The following FILIP1L variants were observed in gnomAD, a reference collection of about 807,000 sequenced individuals.
FILIP1L encodes filamin A interacting protein 1 like.
In FILIP1L, 55 loss-of-function variants were observed where a neutral mutation model predicts 96.6. The observed-to-expected ratio is 0.57, with a 90% confidence interval of 0.46 to 0.71. FILIP1L has a LOEUF of 0.71. Ranked by LOEUF, FILIP1L falls within the 30% of genes least tolerant of loss-of-function variation. The pLI, the probability that FILIP1L is intolerant of heterozygous loss-of-function variation, is 0.00. For synonymous variants in FILIP1L, 467 were observed against 473.9 expected, an observed-to-expected ratio of 0.99 and a Z score of 0.19; for missense variants, 1,304 against 1,321.2, an observed-to-expected ratio of 0.99 and a Z score of 0.20.
chr3:99,946,069 G>T (rs938616117), intron 1 of FILIP1L, among the ~76,000 whole-genome samples: 2 of 152,164 alleles, frequency 1.3e-5, no homozygotes, highest in African/African-American at 4.8e-5. Flanking sequence ...TATGGTCTTG[G>T]TTCATCAGAT....
At chr3:100,020,275 A>G (rs1295118641) in intron 1 of FILIP1L, among the ~76,000 whole-genome samples, 1 of 152,206 alleles carries the variant, frequency 6.6e-6, no homozygotes, top group African/African-American at 2.4e-5. Context: ...AATCATTTGC[A>G]GATTTTCTAA....
Position 99,849,887 on chromosome 3 carries a change from C to A in FILIP1L, c.1789G>T (p.Ala597Ser). 1 of 1,611,872 alleles carries A rather than the reference C, an allele frequency of 6.2e-7. No individual in the cohort carries two copies. Among genetic ancestry groups the A allele is most frequent in the South Asian group, 1.1e-5 (1 of 90,306 alleles). ...MLKNRLQSLE[A>S]IEKDFLKNKL... ...TTTTTTAGGAAATCTTTCTCAATTG[C>A]TTCCAATGATTGAAGCCTATTTTTC... Residue 597 changes from alanine (A) to serine (S), a missense_variant, in exon 5 of 6, where the codon GCA becomes TCA. Physicochemically the swap from Ala to Ser is moderately conservative, Grantham distance 99. Transcript: ENST00000477258.
At chr3:100,043,429 A>T (rs564671962) in intron 1 of FILIP1L, among the ~76,000 whole-genome samples, 2 of 152,140 alleles carry the variant, frequency 1.3e-5, no homozygotes, top group Non-Finnish European at 2.9e-5. Flanking sequence ...GCAGTCTCTA[A>T]GGTCTCTTTT....
chr3:99,935,558 A>G (rs905739710), intron 1 of FILIP1L, among the ~76,000 whole-genome samples: 1 of 152,202 alleles, frequency 6.6e-6, no homozygotes, highest in African/African-American at 2.4e-5. Context: ...AGGTTGTCCC[A>G]TGAGATCACT....
intron 4 of FILIP1L, among the ~76,000 whole-genome samples, chr3:99,891,602 A>T (rs1186362494): frequency 1.3e-5 from 2 of 152,068 alleles, no homozygotes; most frequent in Non-Finnish European, 2.9e-5. Flanking sequence ...TGTTGGTGAG[A>T]CACTAGGTTA....
At chr3:100,091,659 A>G (rs1009367984) in intron 1 of FILIP1L, among the ~76,000 whole-genome samples, 3 of 152,226 alleles carry the variant, frequency 2.0e-5, no homozygotes, top group African/African-American at 7.2e-5. Context: ...ATCTGCAGCC[A>G]CTTGAGTATC....
At chr3:99,838,978 T>G (rs913627430) in intron 5 of FILIP1L, among the ~76,000 whole-genome samples, 6 of 152,130 alleles carry the variant, frequency 3.9e-5, no homozygotes, top group African/African-American at 1.4e-4. Context: ...CCCAACCATC[T>G]CAACTTCATC....
At chr3:99,830,777 C>T (rs1576492415) in intron 5 of FILIP1L, among the ~76,000 whole-genome samples, 172 bp from the exon 6 acceptor site, 1 of 152,096 alleles carries the variant, frequency 6.6e-6, no homozygotes, top group East Asian at 1.9e-4. Context: ...GTAAAGTAAT[C>T]TGGTGTGTGT....
chr3:99,855,227 T>C (rs1431831895), intron 4 of FILIP1L, among the ~76,000 whole-genome samples: 1 of 152,230 alleles, frequency 6.6e-6, no homozygotes, highest in Admixed American at 6.5e-5. Context: ...AGAATATGGC[T>C]AAATTAACTA....
At chr3:99,943,516 C>T (rs1392878632) in intron 1 of FILIP1L, among the ~76,000 whole-genome samples, 2 of 152,074 alleles carry the variant, frequency 1.3e-5, no homozygotes, top group Non-Finnish European at 2.9e-5. Context: ...CCAGCCTGAC[C>T]AATATGGTGA....
chr3:100,076,608 T>C (rs1356893143), intron 1 of FILIP1L, among the ~76,000 whole-genome samples: 1 of 152,226 alleles, frequency 6.6e-6, no homozygotes, highest in Non-Finnish European at 1.5e-5. Flanking sequence ...TTTTCCTGGA[T>C]ACTTGTACTT....
At chr3:99,905,144 T>G (rs1706571965) in intron 4 of FILIP1L, among the ~76,000 whole-genome samples, 1 of 152,230 alleles carries the variant, frequency 6.6e-6, no homozygotes. Context: ...CCTAGATAGC[T>G]TATCCCCCTT....
intron 1 of FILIP1L, among the ~76,000 whole-genome samples, chr3:100,061,501 T>C (rs371723560): frequency 1.5e-4 from 23 of 152,382 alleles, no homozygotes; most frequent in East Asian, 7.7e-4. Flanking sequence ...ACTATTTTAT[T>C]TCTTATTAAT....
At chr3:100,009,107 A>T (rs1189429139) in intron 1 of FILIP1L, among the ~76,000 whole-genome samples, 1 of 152,214 alleles carries the variant, frequency 6.6e-6, no homozygotes, top group Non-Finnish European at 1.5e-5. Context: ...TGGCCTTTAA[A>T]TATTAGAATA....
At chr3:99,974,486 G>A (rs1176308487) in intron 1 of FILIP1L, among the ~76,000 whole-genome samples, 1 of 152,140 alleles carries the variant, frequency 6.6e-6, no homozygotes, top group Non-Finnish European at 1.5e-5. Flanking sequence ...GAGGCAGGTG[G>A]ATCACCTGAG....
intron 1 of FILIP1L, among the ~76,000 whole-genome samples, chr3:100,058,914 A>G (rs1441018937): frequency 6.6e-6 from 1 of 152,236 alleles, no homozygotes; most frequent in African/African-American, 2.4e-5. Context: ...CTTAACTTGC[A>G]TTTGAGAGCA....
intron 1 of FILIP1L, among the ~76,000 whole-genome samples, chr3:100,093,773 A>T (rs1348824585): frequency 6.6e-6 from 1 of 152,246 alleles, no homozygotes; most frequent in Non-Finnish European, 1.5e-5. Context: ...GTCACTTCAA[A>T]AACAGTATAT....
intron 1 of FILIP1L, among the ~76,000 whole-genome samples, chr3:99,933,168 A>G (rs1053619325): frequency 1.3e-5 from 2 of 152,230 alleles, no homozygotes; most frequent in African/African-American, 4.8e-5. Flanking sequence ...CTTAAAAATC[A>G]TGCCGTAATG....
At chr3:100,110,412 C>T (rs1256062207) in intron 1 of FILIP1L, among the ~76,000 whole-genome samples, 4 of 152,084 alleles carry the variant, frequency 2.6e-5, no homozygotes, top group Non-Finnish European at 5.9e-5. Flanking sequence ...ATCCCGTTTG[C>T]TATCCTCCCC....
Sources: gnomAD v4.1 joint callset for allele counts (sites outside exome capture counted in the v4.1 genomes callset) on GRCh38, gnomAD v4.1.1 for gene constraint, MANE v1.5 for transcripts, NCBI Gene and HGNC (gene_info 2026-07-23, HGNC 2026-07-21) for gene names.